The following TMEM207 variants were observed in gnomAD, a reference collection of about 807,000 sequenced individuals.
The protein encoded by TMEM207 is SRSR846.
Under a neutral mutation model 17.4 loss-of-function variants are expected in TMEM207, and 15 were observed. That is an observed-to-expected ratio of 0.86 (90% CI 0.58 to 1.33). TMEM207 has a LOEUF of 1.33. TMEM207 is among the 40% of genes most tolerant of loss of function. The pLI is 0.00. For synonymous variants in TMEM207, 70 were observed against 65.6 expected (o/e 1.07, Z -0.33); for missense variants, 205 against 173.8 (o/e 1.18, Z -1.01).
chr3:190,434,730 G>C (rs189615668), intron 4 of TMEM207, among the ~76,000 whole-genome samples: 5 of 152,262 alleles, frequency 3.3e-5, no homozygotes, highest in African/African-American at 1.2e-4. Flanking sequence ...CAGAAGCTAC[G>C]GCATGGATGA....
chr3:190,433,544 T>G (rs939526176), intron 4 of TMEM207, among the ~76,000 whole-genome samples: 4 of 152,162 alleles, frequency 2.6e-5, no homozygotes, highest in Non-Finnish European at 5.9e-5. Flanking sequence ...CCACAAACAG[T>G]AGAGATTTGG....
intron 3 of TMEM207, 118 bp downstream of exon 3, chr3:190,441,320 T>C: frequency 1.3e-6 from 1 of 780,504 alleles, no homozygotes; most frequent in Non-Finnish European, 2.1e-6. Flanking sequence ...TATATTCATT[T>C]GCATGACCCC....
At chr3:190,440,174 AAC>A in intron 4 of TMEM207, 68 bp downstream of exon 4, 1 of 1,528,330 alleles carries the variant, frequency 6.5e-7, no homozygotes, top group Non-Finnish European at 8.8e-7. Flanking sequence ...CTTTTGGGAG[AAC>A]AGTTTTTCAA....
rs528386849 is a variant in TMEM207 at position 190,439,147 on chromosome 3, C to A, written c.304+1097G>T. ...AGCGGAGATCGCGCCACGGCACTCCCGCCTGGGCGACAGAGCGAGACTCCG... is the reference window on the plus strand; with the variant it reads ...AGCGGAGATCGCGCCACGGCACTCCAGCCTGGGCGACAGAGCGAGACTCCG... On this transcript the variant is annotated intron_variant, in intron 4 of 4. Transcript: ENST00000354905. Among the ~76,000 whole-genome samples the A allele has an allele frequency of 2.0e-3, 281 of 142,104 alleles. 1 individual carries two copies. Among genetic ancestry groups the A allele is most frequent in the African/African-American group, 3.2e-3 (120 of 37,404 alleles). The allele number at this position is 142,104 out of a possible 152,430, so 93.2% of individuals were successfully genotyped here. A position where few individuals can be genotyped will look rare whatever the true frequency, so the allele number is the denominator to read the frequency against.
rs1310572267 is a variant in TMEM207, at chr3:190,428,719, A to G, written c.*876T>C. The G allele has an allele frequency of 6.6e-6, 1 of 152,294 alleles. No individual in the cohort carries two copies. The highest frequency in any genetic ancestry group is 1.9e-4 in the East Asian group (1 of 5,178). 9.4% of individuals were successfully genotyped at this position (152,294 alleles called of 1,614,324 possible). Reference sequence around the variant, plus strand: ...ATTTGTCAGCTGAAGATCATATGTCATCTGTGATGGATGTTTTTGTCTGTC... The same window carrying G: ...ATTTGTCAGCTGAAGATCATATGTCGTCTGTGATGGATGTTTTTGTCTGTC... On this transcript the variant is annotated 3_prime_UTR_variant, in exon 5 of 5. Coordinates refer to ENST00000354905, the MANE Select transcript of TMEM207 (RefSeq NM_207316.3).
chr3:190,440,134 G>T, intron 4 of TMEM207, 110 bp downstream of exon 4: 2 of 1,345,662 alleles, frequency 1.5e-6, no homozygotes, highest in Non-Finnish European at 2.0e-6. Context: ...TCTCCAATAA[G>T]CCACATCTTT....
chr3:190,429,680 G>C lies in TMEM207; in HGVS notation c.356C>G (p.Thr119Ser), dbSNP rs777324679. ...AGCAGGAACAGGATATAGGTCAGGG[G>C]TTTGAGTTTGAAGGTGAATTCCAAC... The part of the protein sequence containing the change: ...PTVGIHLQTQ[T>S]PDLYPVPAPC... Residue 119 changes from threonine (T) to serine (S), a missense_variant, in exon 5 of 5, where the codon ACC becomes AGC. Coordinates refer to ENST00000354905, the MANE Select transcript of TMEM207 (RefSeq NM_207316.3). The C allele has an allele frequency of 1.2e-6, 2 of 1,612,738 alleles. No homozygotes were observed. Among genetic ancestry groups the C allele is most frequent in the East Asian group, 2.2e-5 (1 of 44,830 alleles).
intron 2 of TMEM207, among the ~76,000 whole-genome samples, chr3:190,442,439 G>T (rs1425969427): frequency 6.6e-6 from 1 of 152,174 alleles, no homozygotes; most frequent in African/African-American, 2.4e-5. Context: ...CCCTGAGGAG[G>T]CAGTGTGTCA....
At chr3:190,441,799 A>T (rs548072260) in intron 2 of TMEM207, among the ~76,000 whole-genome samples, 1 of 152,374 alleles carries the variant, frequency 6.6e-6, no homozygotes, top group South Asian at 2.1e-4. Context: ...CTCTTCAGGG[A>T]CAACAAATCG....
At position 190,429,668 on chromosome 3, in the gene TMEM207, T is replaced by C; in HGVS notation, c.368A>G (p.Tyr123Cys). 1 of 1,613,388 alleles carries C rather than the reference T, an allele frequency of 6.2e-7. No homozygotes were observed. Among genetic ancestry groups the C allele is most frequent in the Non-Finnish European group, 8.5e-7 (1 of 1,179,622 alleles). The change falls in exon 5 of 5, where the codon TAT (tyrosine) becomes TGT (cysteine). Residue 123 changes from tyrosine to cysteine, a missense_variant. By Grantham distance (194) the Tyr-to-Cys change is radical. Transcript: ENST00000354905. ...GCCAAAACATGGAGCAGGAACAGGA[T>C]ATAGGTCAGGGGTTTGAGTTTGAAG... ...IHLQTQTPDLYPVPAPCFGPL... is the reference protein window; with the variant it reads ...IHLQTQTPDLCPVPAPCFGPL...
chr3:190,440,119 T>A, intron 4 of TMEM207, 125 bp downstream of exon 4: 1 of 1,129,718 alleles, frequency 8.9e-7, no homozygotes, highest in Non-Finnish European at 1.2e-6. Flanking sequence ...GTGCAGGCCT[T>A]GGTGTCTCCA....
In TMEM207 at chr3:190,449,782, T is replaced by A. The variant is rs941984978; in HGVS notation, c.28A>T (p.Thr10Ser). MSRSRLFSVTSAISTIGILC... is the reference protein window; with the variant it reads MSRSRLFSVSSAISTIGILC... ...ATCCCTATCGTTGAGATCGCTGAGG[T>A]GACACTGAAAAGTCTGGATCTTGAC... The change falls in exon 1 of 5, where the codon ACC becomes TCC. Residue 10 changes from threonine (T) to serine (S), a missense_variant. Physicochemically the swap from Thr to Ser is moderately conservative, Grantham distance 58. Coordinates refer to ENST00000354905, the MANE Select transcript of TMEM207 (RefSeq NM_207316.3). 5.6e-6 allele frequency: 9 copies of A among 1,613,826 alleles called. No individual in the cohort carries two copies. Among genetic ancestry groups the A allele is most frequent in the Non-Finnish European group, 7.6e-6 (9 of 1,179,798 alleles).
intron 3 of TMEM207, among the ~76,000 whole-genome samples, chr3:190,441,017 C>A (rs545402894): frequency 6.6e-6 from 1 of 151,886 alleles, no homozygotes; most frequent in Non-Finnish European, 1.5e-5. Context: ...TGCATTGAGC[C>A]GAGATGGCGC....
rs771732921 is a variant in TMEM207, at chr3:190,447,854, A to T, written c.76-27T>A. ...TGAAACACATGTTTAGAACAATAAA[A>T]TCCAAACATCTCATCAGTCTAATCC... On this transcript the variant is annotated intron_variant, in intron 1 of 4. Transcript: ENST00000354905. 5 of 1,605,866 alleles carry T rather than the reference A, an allele frequency of 3.1e-6. No individual in the cohort carries two copies. The Admixed American group carries it at 8.5e-5, about 27-fold the overall frequency.
At chr3:190,444,552 A>T (rs1720004989) in intron 2 of TMEM207, 32 of 600,356 alleles carry the variant, frequency 5.3e-5, no homozygotes, top group Non-Finnish European at 6.7e-5. Flanking sequence ...TCAGACAGAG[A>T]ATAGGCCAAT....
intron 4 of TMEM207, among the ~76,000 whole-genome samples, chr3:190,439,050 G>C (rs181038218): frequency 0.13 from 19,594 of 151,244 alleles, 648 homozygotes; most frequent in Middle Eastern, 0.16. Flanking sequence ...GGTGGCGGGC[G>C]CCTGTAGTCC....
chr3:190,436,963 A>G (rs891201809), intron 4 of TMEM207, among the ~76,000 whole-genome samples: 1 of 152,186 alleles, frequency 6.6e-6, no homozygotes, highest in East Asian at 1.9e-4. Context: ...CTGGGACAAG[A>G]TGGAACATCG....
chr3:190,443,354 A>AT lies in TMEM207; in HGVS notation c.114-1873dup, dbSNP rs11343024. On this transcript the variant is annotated intron_variant, in intron 2 of 4. Transcript: ENST00000354905. Reference sequence around the variant, plus strand: ...TTAAATCTAATTTTTAAGGCCCTCTATTTTTTTTTCTTCCTGGGCTAACAA... The same window carrying AT: ...TTAAATCTAATTTTTAAGGCCCTCTATTTTTTTTTTCTTCCTGGGCTAACAA... Among the ~76,000 whole-genome samples, 6 of 149,878 alleles carry AT rather than the reference A, an allele frequency of 4.0e-5. No homozygotes were observed. In the South Asian group the frequency reaches 1.3e-3, roughly 32 times the overall value.
intron 2 of TMEM207, among the ~76,000 whole-genome samples, chr3:190,445,484 C>G (rs182731083): frequency 3.9e-5 from 6 of 152,326 alleles, no homozygotes; most frequent in East Asian, 3.9e-4. Context: ...AAAACGTACC[C>G]TGGTGTTGAA....
Sources: allele counts gnomAD v4.1 joint callset (sites outside exome capture counted in the v4.1 genomes callset), GRCh38; gene constraint gnomAD v4.1.1; transcripts MANE v1.5; gene names NCBI Gene and HGNC (gene_info 2026-07-23, HGNC 2026-07-21).